Variants in SOS2 observed in about 807,000 individuals in gnomAD.
SOS2 encodes SOS Ras/Rho guanine nucleotide exchange factor 2, also known as son of sevenless homolog 2.
SOS2 carries 65 observed loss-of-function variants against 148.2 expected under a neutral mutation model. The ratio of observed to expected loss-of-function variants is 0.44; its 90% confidence interval spans 0.36 to 0.54. SOS2 has a LOEUF of 0.54. Among genes scored for constraint, SOS2 ranks in the 20% least tolerant of loss-of-function variants. The probability of loss-of-function intolerance (pLI) is 0.00; values close to 1 mark genes in which losing one functional copy is unlikely to be tolerated. For synonymous variants in SOS2, 539 were observed against 537.1 expected (o/e 1.00, Z -0.05); for missense variants, 1,341 against 1,590.2 (o/e 0.84, Z 2.67).
At chr14:50,230,868 T>G in intron 1 of SOS2, 5 of 1,022,156 alleles carry the variant, frequency 4.9e-6, no homozygotes, top group Non-Finnish European at 5.9e-6. Flanking sequence ...TTTTAGAAAC[T>G]GTCTAAATAC....
At chr14:50,169,400 C>T (rs1025254938) in intron 8 of SOS2, among the ~76,000 whole-genome samples, 2 of 151,146 alleles carry the variant, frequency 1.3e-5, no homozygotes, top group Non-Finnish European at 2.9e-5. Context: ...TTTGGGAGGC[C>T]GAAGGCAGGT....
In SOS2 at chr14:50,130,588, T is replaced by G. The variant is rs150752193; in HGVS notation, c.3250A>C (p.Thr1084Pro). 4.3e-6 allele frequency: 7 copies of G among 1,614,028 alleles called. No homozygotes were observed. The highest frequency in any genetic ancestry group is 5.9e-6 in the Non-Finnish European group (7 of 1,179,958). The change falls in exon 20 of 23, where the codon ACC becomes CCC. Residue 1084 changes from threonine to proline, a missense_variant. Coordinates refer to ENST00000216373, the MANE Select transcript of SOS2 (RefSeq NM_006939.4). Reference protein sequence around the residue: ...TELESTVSAPTSPNTPSTPPV... With the variant: ...TELESTVSAPPSPNTPSTPPV... ...GGAGTAGATGGTGTATTTGGAGAGG[T>G]TGGTGCTGACACTGTTGATTCCAGC... is the stretch of plus-strand genomic sequence containing the variant.
intron 1 of SOS2, among the ~76,000 whole-genome samples, chr14:50,209,232 T>C (rs905066011): frequency 6.7e-6 from 1 of 149,518 alleles, no homozygotes; most frequent in Admixed American, 6.7e-5. Context: ...GATCTTGGAC[T>C]TCTGGGCCAC....
At chr14:50,172,231 T>C (rs1334352168) in intron 8 of SOS2, among the ~76,000 whole-genome samples, 1 of 152,182 alleles carries the variant, frequency 6.6e-6, no homozygotes, top group Non-Finnish European at 1.5e-5. Flanking sequence ...CCATTTTGGA[T>C]ATCCTGTTTT....
intron 8 of SOS2, among the ~76,000 whole-genome samples, chr14:50,173,175 T>C (rs1174177249): frequency 3.9e-5 from 6 of 152,016 alleles, no homozygotes; most frequent in African/African-American, 1.2e-4. Flanking sequence ...AAAGTATCTT[T>C]CTGCTTGATT....
intron 5 of SOS2, among the ~76,000 whole-genome samples, chr14:50,184,841 G>A (rs1448414984): frequency 7.3e-6 from 1 of 137,758 alleles, no homozygotes; most frequent in Non-Finnish European, 1.5e-5. Flanking sequence ...TTAAGCCTGG[G>A]CAACAGAGCC....
intron 1 of SOS2, among the ~76,000 whole-genome samples, chr14:50,221,874 T>C (rs927603549): frequency 6.6e-6 from 1 of 152,118 alleles, no homozygotes; most frequent in Non-Finnish European, 1.5e-5. Context: ...AGACAGGTTT[T>C]AAAGCTTTAC....
At chr14:50,137,822 A>C (rs1594964193) in intron 18 of SOS2, among the ~76,000 whole-genome samples, 1 of 152,082 alleles carries the variant, frequency 6.6e-6, no homozygotes, top group East Asian at 1.9e-4. Flanking sequence ...TAATCCAATT[A>C]TACTCTTATA....
At chr14:50,132,066 A>G (rs905719854) in intron 19 of SOS2, among the ~76,000 whole-genome samples, 4 of 152,202 alleles carry the variant, frequency 2.6e-5, no homozygotes, top group African/African-American at 9.7e-5. Context: ...GAAATGTTAA[A>G]TAAGTGGGAT....
At chr14:50,149,969 T>C in intron 14 of SOS2, 39 bp downstream of exon 14, 1 of 1,367,948 alleles carries the variant, frequency 7.3e-7, no homozygotes, top group Non-Finnish European at 1.0e-6. Flanking sequence ...TGTTCAAGAT[T>C]CTTAAAAATA....
intron 21 of SOS2, among the ~76,000 whole-genome samples, chr14:50,121,541 G>T (rs1883513453): frequency 7.9e-6 from 1 of 126,246 alleles, no homozygotes; most frequent in Admixed American, 8.5e-5. Flanking sequence ...AGGGGGGGGA[G>T]TCCTGTTGAC....
intron 1 of SOS2, among the ~76,000 whole-genome samples, chr14:50,211,609 TTAA>T (rs1248434651): frequency 0.059 from 2,354 of 39,724 alleles, 26 homozygotes; most frequent in Middle Eastern, 0.08. Flanking sequence ...TATTTTTTAA[TTAA>T]TTATTATTAT....
intron 21 of SOS2, among the ~76,000 whole-genome samples, 185 bp from the exon 22 acceptor site, chr14:50,120,569 C>G (rs1212157380): frequency 6.6e-6 from 1 of 152,086 alleles, no homozygotes; most frequent in Non-Finnish European, 1.5e-5. Flanking sequence ...GTCTCTAGCA[C>G]CAACCATAGT....
chr14:50,130,026 T>C (rs1383854248), intron 20 of SOS2, 24 bp from the exon 21 acceptor site: 11 of 1,521,938 alleles, frequency 7.2e-6, no homozygotes, highest in African/African-American at 1.4e-5. Context: ...AAAAATTAAT[T>C]TGAAAAGGAA....
At chr14:50,218,202 G>T in intron 1 of SOS2, among the ~76,000 whole-genome samples, 1 of 100,204 alleles carries the variant, frequency 1.0e-5, no homozygotes, top group East Asian at 3.0e-4. Context: ...GGTATATAAT[G>T]AAACTTCGAT....
chr14:50,175,981 A>T (rs1885510262), intron 7 of SOS2, among the ~76,000 whole-genome samples: 1 of 152,256 alleles, frequency 6.6e-6, no homozygotes, highest in Admixed American at 6.5e-5. Flanking sequence ...CACATTTGTT[A>T]TGATCTGAAT....
rs867950069 is a variant in SOS2 at position 50,199,415 on chromosome 14, T to C, written c.510+276A>G. 2.6e-5 allele frequency among the ~76,000 whole-genome samples: 4 copies of C among 152,172 alleles called. No homozygotes were observed. The South Asian group carries it at 8.3e-4, about 32-fold the overall frequency. ...AGTAGAACTCTATATATTCTCTTTC[T>C]AAAAATATAAAACTGAAACTACTTA... On this transcript the variant is annotated intron_variant, in intron 4 of 22. Transcript: ENST00000216373.
intron 18 of SOS2, among the ~76,000 whole-genome samples, chr14:50,136,417 C>T (rs1055240552): frequency 6.6e-6 from 1 of 152,072 alleles, no homozygotes; most frequent in Non-Finnish European, 1.5e-5. Flanking sequence ...GATATAAATA[C>T]TAAAAGTACT....
intron 1 of SOS2, among the ~76,000 whole-genome samples, chr14:50,212,977 C>T (rs761006004): frequency 1.4e-4 from 21 of 152,132 alleles, no homozygotes; most frequent in Non-Finnish European, 2.6e-4. Context: ...AGAATAAGGT[C>T]CAAAACTTTA....
Sources: gnomAD v4.1 joint callset for allele counts (sites outside exome capture counted in the v4.1 genomes callset) on GRCh38, gnomAD v4.1.1 for gene constraint, MANE v1.5 for transcripts, NCBI Gene and HGNC (gene_info 2026-07-23, HGNC 2026-07-21) for gene names.